FAM222A: variants seen among roughly 807,000 people sequenced by gnomAD.
FAM222A encodes family with sequence similarity 222 member A.
In FAM222A, 7 loss-of-function variants were observed where a neutral mutation model predicts 25.8. That is an observed-to-expected ratio of 0.27 (90% CI 0.15 to 0.51). The LOEUF (loss-of-function observed/expected upper bound fraction) is 0.51. Ranked by LOEUF, FAM222A falls within the 20% of genes least tolerant of loss-of-function variation. The pLI is 0.97. For missense variants in FAM222A, 573 were observed against 640.5 expected, an observed-to-expected ratio of 0.89 and a Z score of 1.14; for synonymous variants, 294 against 298.8, an observed-to-expected ratio of 0.98 and a Z score of 0.17.
intron 2 of FAM222A, among the ~76,000 whole-genome samples, chr12:109,750,900 A>G (rs1888542283): frequency 6.6e-6 from 1 of 151,146 alleles, no homozygotes; most frequent in Non-Finnish European, 1.5e-5. Flanking sequence ...TCCCCCATCT[A>G]TTTGATTTCG....
At chr12:109,759,717 G>A (rs1472795341) in intron 2 of FAM222A, among the ~76,000 whole-genome samples, 4 of 152,216 alleles carry the variant, frequency 2.6e-5, no homozygotes, top group African/African-American at 9.6e-5. Context: ...ACAGTGGGGA[G>A]CACCCTGGCT....
At chr12:109,737,524 A>G (rs1352014213) in intron 1 of FAM222A, among the ~76,000 whole-genome samples, 1 of 151,588 alleles carries the variant, frequency 6.6e-6, no homozygotes, top group South Asian at 2.1e-4. Flanking sequence ...ATACAGTGGT[A>G]ATTCTGGCAG....
At chr12:109,726,914 C>A (rs60059002) in intron 1 of FAM222A, among the ~76,000 whole-genome samples, 13,036 of 152,212 alleles carry the variant, frequency 0.086, 1,279 homozygotes, top group African/African-American at 0.23. Context: ...TCTCACCAGA[C>A]CTCTGACAGT....
intron 1 of FAM222A, among the ~76,000 whole-genome samples, chr12:109,717,582 C>CCCT (rs1887667664): frequency 6.6e-6 from 1 of 152,114 alleles, no homozygotes. Flanking sequence ...TGTGTGTGGG[C>CCCT]CCTCGTGCCT....
chr12:109,718,149 G>A (rs1592775341), intron 1 of FAM222A, among the ~76,000 whole-genome samples: 1 of 152,180 alleles, frequency 6.6e-6, no homozygotes, highest in South Asian at 2.1e-4. Flanking sequence ...GCACTCAAAC[G>A]CATGTTGTCA....
At chr12:109,742,612 T>C (rs1367052016) in intron 1 of FAM222A, among the ~76,000 whole-genome samples, 1 of 6,196 alleles carries the variant, frequency 1.6e-4, no homozygotes, top group Non-Finnish European at 4.6e-4. Context: ...TCTCTCGCTC[T>C]TTTTTTTTTT....
intron 2 of FAM222A, among the ~76,000 whole-genome samples, chr12:109,761,630 T>G (rs1888900013): frequency 6.6e-6 from 1 of 152,146 alleles, no homozygotes; most frequent in African/African-American, 2.4e-5. Flanking sequence ...GCCGCCTCTT[T>G]CCATGTGTCT....
At chr12:109,729,956 G>A (rs73407759) in intron 1 of FAM222A, among the ~76,000 whole-genome samples, 12,754 of 152,270 alleles carry the variant, frequency 0.084, 1,213 homozygotes, top group African/African-American at 0.23. Context: ...CAGCTAGCAC[G>A]TAGGGGAGCC....
In FAM222A at chr12:109,713,897, CG is replaced by C. The variant is rs1887582538; in HGVS notation, c.-1042del. On this transcript the variant is annotated 5_prime_UTR_variant, in exon 1 of 3. Coordinates refer to ENST00000538780, the MANE Select transcript of FAM222A (RefSeq NM_032829.3). Reference sequence around the variant, plus strand: ...CCGCGGAGAGGCTGCGCGCGCCGGCCGGGGGAGGCGGACAGCCGGGCCCGGC... The same window carrying C: ...CCGCGGAGAGGCTGCGCGCGCCGGCCGGGGAGGCGGACAGCCGGGCCCGGC... 6.8e-6 allele frequency among the ~76,000 whole-genome samples: 1 copy of C among 146,844 alleles called. No homozygotes were observed. Among genetic ancestry groups the C allele is most frequent in the East Asian group, 2.0e-4 (1 of 5,034 alleles).
chr12:109,714,057 C>G lies in FAM222A; in HGVS notation c.-887C>G, dbSNP rs1246639163. On this transcript the variant is annotated 5_prime_UTR_variant, in exon 1 of 3. Coordinates refer to ENST00000538780, the MANE Select transcript of FAM222A (RefSeq NM_032829.3). The surrounding 1 kb of genome is among the most constrained non-coding windows in gnomAD (Gnocchi z 4.2). ...GCCATGGGCGCGTGAGAGCCCAGCG[C>G]GCGCGGCCCCTGCTGCGGCTTGCGA... Among the ~76,000 whole-genome samples the G allele has an allele frequency of 2.7e-5, 4 of 150,538 alleles. No individual in the cohort carries two copies. The highest frequency in any genetic ancestry group is 9.7e-5 in the African/African-American group (4 of 41,144).
At chr12:109,734,524 G>A (rs1846975742) in intron 1 of FAM222A, 2 of 151,722 alleles carry the variant, frequency 1.3e-5, no homozygotes, top group Non-Finnish European at 2.9e-5. Flanking sequence ...CTGTCATGTC[G>A]GTGCATTTAC....
chr12:109,748,339 T>C (rs1057370202), intron 2 of FAM222A, among the ~76,000 whole-genome samples: 8 of 144,774 alleles, frequency 5.5e-5, no homozygotes, highest in Non-Finnish European at 1.0e-4. Flanking sequence ...TCTTTCTTTT[T>C]TTTTTTTTTT....
At chr12:109,731,942 A>G (rs1412934313) in intron 1 of FAM222A, among the ~76,000 whole-genome samples, 1 of 152,232 alleles carries the variant, frequency 6.6e-6, no homozygotes, top group Non-Finnish European at 1.5e-5. Flanking sequence ...TGGAGTAGAA[A>G]GAGACCAGCG....
intron 2 of FAM222A, among the ~76,000 whole-genome samples, chr12:109,757,196 T>C (rs1331227064): frequency 4.6e-5 from 7 of 152,244 alleles, no homozygotes; most frequent in African/African-American, 1.7e-4. Flanking sequence ...CTTAGAAATA[T>C]GTCATGCATA....
At chr12:109,733,463 G>GC (rs1491342386) in intron 1 of FAM222A, among the ~76,000 whole-genome samples, 1 of 151,198 alleles carries the variant, frequency 6.6e-6, no homozygotes, top group Non-Finnish European at 1.5e-5. Flanking sequence ...GTGCAGTGGC[G>GC]TGTGATCTCA....
intron 1 of FAM222A, among the ~76,000 whole-genome samples, chr12:109,737,001 C>T (rs1888104192): frequency 6.6e-6 from 1 of 152,154 alleles, no homozygotes; most frequent in Admixed American, 6.5e-5. Flanking sequence ...TGCTGTAGCA[C>T]CGTGAACCCA....
At chr12:109,731,987 C>T (rs550221495) in intron 1 of FAM222A, among the ~76,000 whole-genome samples, 6 of 152,332 alleles carry the variant, frequency 3.9e-5, no homozygotes, top group African/African-American at 1.2e-4. Flanking sequence ...AGCCTTCTCA[C>T]TGCTGTGCAC....
intron 2 of FAM222A, among the ~76,000 whole-genome samples, chr12:109,758,342 AC>A (rs1426980602): frequency 3.3e-5 from 5 of 152,158 alleles, no homozygotes; most frequent in Non-Finnish European, 7.4e-5. Context: ...TTTTCTGAGC[AC>A]CTGTACCAGG....
intron 2 of FAM222A, among the ~76,000 whole-genome samples, chr12:109,750,914 T>A (rs968098372): frequency 1.3e-5 from 2 of 152,198 alleles, no homozygotes; most frequent in African/African-American, 4.8e-5. Flanking sequence ...GATTTCGATC[T>A]TTCCATATCT....
Sources: allele counts gnomAD v4.1 joint callset (sites outside exome capture counted in the v4.1 genomes callset), GRCh38; gene constraint gnomAD v4.1.1; non-coding constraint Gnocchi (gnomAD v3.1); transcripts MANE v1.5; gene names NCBI Gene and HGNC (gene_info 2026-07-23, HGNC 2026-07-21).